The following HNRNPU variants were observed in gnomAD, a reference collection of about 807,000 sequenced individuals.
HNRNPU encodes the protein HNRNPU antisense RNA 1.
In HNRNPU, 5 loss-of-function variants were observed where a neutral mutation model predicts 94.7. The ratio of observed to expected loss-of-function variants is 0.05; its 90% CI spans 0.03 to 0.11. The LOEUF (loss-of-function observed/expected upper bound fraction) is 0.11. Ranked by LOEUF, HNRNPU falls within the 10% of genes least tolerant of loss-of-function variation. The pLI is 1.00. For synonymous variants in HNRNPU, 434 were observed against 381.6 expected (o/e 1.14, Z -1.60); for missense variants, 710 against 1,049.2 (o/e 0.68, Z 4.47).
At position 244,863,867 on chromosome 1, in the gene HNRNPU, G is replaced by A. The variant is rs539279281; in HGVS notation, c.441C>T (p.Asp147=). 6.2e-7 allele frequency: 1 copy of A among 1,612,930 alleles called. No homozygotes were observed. The highest frequency in any genetic ancestry group is 1.7e-5 in the Admixed American group (1 of 59,864). Residue 147 remains aspartate, a synonymous_variant, in exon 1 of 14, where the codon GAC becomes GAT. Transcript: ENST00000640218. ...GFQEGEDELG[D]EEEGAGDENG... Reference sequence around the variant, plus strand: ...TCTCGTCGCCCGCGCCTTCCTCTTCGTCCCCGAGCTCATCTTCCCCTTCCT... The same window carrying A: ...TCTCGTCGCCCGCGCCTTCCTCTTCATCCCCGAGCTCATCTTCCCCTTCCT...
chr1:244,859,145 T>A (rs1254420942), intron 5 of HNRNPU, 130 bp downstream of exon 5: 1 of 605,304 alleles, frequency 1.7e-6, no homozygotes, highest in Non-Finnish European at 2.9e-6. Context: ...GTGCTAATAT[T>A]ACCTGTCTGA....
At position 244,858,123 on chromosome 1, in the gene HNRNPU, T is replaced by C; in HGVS notation, c.1382A>G (p.Gln461Arg). The C allele has an allele frequency of 6.2e-7, 1 of 1,614,206 alleles. No individual in the cohort carries two copies. The highest frequency in any genetic ancestry group is 1.1e-5 in the South Asian group (1 of 91,080). Reference sequence around the variant, plus strand: ...TATTGGAAAATATGGCTTTTCCTTCTGACCAAAATTAAATTCAACTGCACA... The same window carrying C: ...TATTGGAAAATATGGCTTTTCCTTCCGACCAAAATTAAATTCAACTGCACA... ...HNCAVEFNFGQKEKPYFPIPE... is the reference protein window; with the variant it reads ...HNCAVEFNFGRKEKPYFPIPE... The change falls in exon 7 of 14, where the codon CAG becomes CGG. Residue 461 changes from glutamine to arginine, a missense_variant. By Grantham distance (43) the Gln-to-Arg change is conservative (BLOSUM62 1). Around this residue, in one of 8 missense-constraint regions of HNRNPU, gnomAD observed 150 missense variants for 187.9 expected, o/e 0.80. Coordinates refer to ENST00000640218, the MANE Select transcript of HNRNPU (RefSeq NM_031844.3).
chr1:244,863,218 C>T (rs544204866), intron 1 of HNRNPU: 95 of 176,254 alleles, frequency 5.4e-4, no homozygotes, highest in African/African-American at 2.1e-3. Flanking sequence ...GCCCCGGGAC[C>T]TGGGGCCTCT....
chr1:244,856,203 A>G, intron 10 of HNRNPU, 45 bp from the exon 11 acceptor site: 6 of 1,541,764 alleles, frequency 3.9e-6, no homozygotes, highest in Non-Finnish European at 5.3e-6. Context: ...ACCCACCACG[A>G]ATCCTCACAA....
chr1:244,859,165 A>G (rs1279588814), intron 5 of HNRNPU, 110 bp downstream of exon 5: 3 of 642,528 alleles, frequency 4.7e-6, no homozygotes, highest in East Asian at 5.3e-5. Flanking sequence ...AAGTATTAAC[A>G]GAATAGATAA....
chr1:244,863,308 GCCGC>G (rs889285531), intron 1 of HNRNPU, among the ~76,000 whole-genome samples: 5 of 142,630 alleles, frequency 3.5e-5, no homozygotes, highest in South Asian at 2.2e-4. Flanking sequence ...GCTCCCTCCC[GCCGC>G]CCGCCCGCGG....
At chr1:244,855,270 A>G in intron 12 of HNRNPU, 154 bp downstream of exon 12, 6 of 810,206 alleles carry the variant, frequency 7.4e-6, no homozygotes, top group Admixed American at 2.3e-5. Flanking sequence ...CTCAAAAGTA[A>G]GTAGACTCAT....
chr1:244,864,042 TCTTCC>T lies in HNRNPU; in HGVS notation c.261_265del (p.Glu88GlyfsTer55), dbSNP rs1680932739. 6.2e-7 allele frequency: 1 copy of T among 1,609,786 alleles called. No individual in the cohort carries two copies. The stretch of plus-strand genomic sequence containing the variant: ...GGAGATTCCTTCCTCCTCCTCTTCC[TCTTCC>T]TCCTCCTCTTCATCGCCGCCGGCCG... On this transcript the variant is annotated frameshift_variant, in exon 1 of 14. Coordinates refer to ENST00000640218, the MANE Select transcript of HNRNPU (RefSeq NM_031844.3). LOFTEE classifies it high-confidence loss of function.
At chr1:244,858,993 A>G (rs1273184350) in intron 5 of HNRNPU, 152 bp from the exon 6 acceptor site, 4 of 598,460 alleles carry the variant, frequency 6.7e-6, no homozygotes, top group African/African-American at 1.9e-5. Flanking sequence ...CTGTACCAGA[A>G]TTGATGGAAG....
At chr1:244,862,402 A>AAAAC in intron 3 of HNRNPU, 59 bp downstream of exon 3, 1 of 1,198,696 alleles carries the variant, frequency 8.3e-7, no homozygotes, top group Non-Finnish European at 1.2e-6. Context: ...TTCTAAAAAA[A>AAAAC]AAAAAAAAAA....
chr1:244,860,700 G>A (rs1415494119), intron 3 of HNRNPU: 8 of 558,922 alleles, frequency 1.4e-5, no homozygotes, highest in African/African-American at 1.9e-5. Flanking sequence ...CTAATACCAA[G>A]GTTTAACATG....
chr1:244,864,061 C>G lies in HNRNPU; in HGVS notation c.247G>C (p.Asp83His). The G allele has an allele frequency of 1.2e-6, 2 of 1,603,008 alleles. No individual in the cohort carries two copies. The highest frequency in any genetic ancestry group is 1.7e-6 in the Non-Finnish European group (2 of 1,175,232). Reference protein sequence around the residue: ...GLEQEAAAGGDEEEEEEEEEE... With the variant: ...GLEQEAAAGGHEEEEEEEEEE... Reference sequence around the variant, plus strand: ...TCTTCCTCTTCCTCCTCCTCTTCATCGCCGCCGGCCGCGGCCTCCTGCTCG... The same window carrying G: ...TCTTCCTCTTCCTCCTCCTCTTCATGGCCGCCGGCCGCGGCCTCCTGCTCG... Residue 83 changes from aspartate to histidine, a missense_variant, in exon 1 of 14, where the codon GAT becomes CAT. Transcript: ENST00000640218.
Position 244,856,876 on chromosome 1 carries a change from T to C in HNRNPU, c.1615-20A>G. 1.9e-6 allele frequency: 3 copies of C among 1,577,880 alleles called. No homozygotes were observed. Among genetic ancestry groups the C allele is most frequent in the Non-Finnish European group, 2.6e-6 (3 of 1,164,822 alleles). On this transcript the variant is annotated intron_variant, in intron 8 of 13. Transcript: ENST00000640218. Reference sequence around the variant, plus strand: ...TGCCACCTATATTCAAAAGTTAAAATTTCCCCTTGAACTTGTGAATTTTAA... The same window carrying C: ...TGCCACCTATATTCAAAAGTTAAAACTTCCCCTTGAACTTGTGAATTTTAA...
rs766659832 is a variant in HNRNPU, at chr1:244,854,451, CAAT to C, written c.2474_2476del (p.Tyr825del). The C allele has an allele frequency of 1.9e-6, 3 of 1,584,734 alleles. No homozygotes were observed. Among genetic ancestry groups the C allele is most frequent in the African/African-American group, 2.7e-5 (2 of 74,324 alleles). On this transcript the variant is annotated inframe_deletion, in exon 14 of 14. Coordinates refer to ENST00000640218, the MANE Select transcript of HNRNPU (RefSeq NM_031844.3). ...TATCAGTTCGTTTTATTTGGGTATT[CAAT>C]AATATCCTTGGTGATAATGCTGACT...
chr1:244,859,059 T>TA, intron 5 of HNRNPU: 2 of 580,170 alleles, frequency 3.4e-6, no homozygotes, highest in Non-Finnish European at 3.0e-6. Context: ...ATATCACGGG[T>TA]AAGATTTTAT....
At chr1:244,857,577 G>A in intron 8 of HNRNPU, 21 bp downstream of exon 8, 1 of 1,609,752 alleles carries the variant, frequency 6.2e-7, no homozygotes, top group Non-Finnish European at 8.5e-7. Flanking sequence ...ACTGAGATCA[G>A]GCCCTAAACA....
Position 244,862,675 on chromosome 1 carries a change from T to C in HNRNPU, c.747A>G (p.Pro249=), listed in dbSNP as rs1487827339. The change falls in exon 2 of 14, where the codon CCA becomes CCG. Residue 249 remains proline, a synonymous_variant. Transcript: ENST00000640218. ...GGDKKRGVKR[P]REDHGRGYFE... is the part of the protein sequence containing the mutation. The stretch of plus-strand genomic sequence containing the variant: ...AATATCCACGGCCATGATCTTCTCG[T>C]GGTCTTTTAACACCCCTCTTTTTAT... 4.3e-6 allele frequency: 7 copies of C among 1,614,082 alleles called. No homozygotes were observed. The highest frequency in any genetic ancestry group is 1.3e-5 in the African/African-American group (1 of 74,926).
At chr1:244,859,734 T>A (rs1210281111) in intron 4 of HNRNPU, 1 of 164,070 alleles carries the variant, frequency 6.1e-6, no homozygotes, top group African/African-American at 2.4e-5. Flanking sequence ...TTCAAATGCT[T>A]GATAAAAATG....
rs764803863 is a variant in HNRNPU, at chr1:244,859,141, A to G, written c.1117+134T>C. 5.0e-6 allele frequency: 3 copies of G among 602,936 alleles called. No individual in the cohort carries two copies. The South Asian group carries it at 6.4e-5, about 13-fold the overall frequency. 37.3% of individuals were successfully genotyped at this position (602,936 alleles called of 1,614,324 possible). ...TGTAGCCTGTGCCTACTATGTGCTA[A>G]TATTACCTGTCTGAAGTATTAACAG... On this transcript the variant is annotated intron_variant, in intron 5 of 13. Coordinates refer to ENST00000640218, the MANE Select transcript of HNRNPU (RefSeq NM_031844.3).
Sources: allele counts gnomAD v4.1 joint callset (sites outside exome capture counted in the v4.1 genomes callset), GRCh38; gene constraint gnomAD v4.1.1; regional missense constraint gnomAD v4.1.1; transcripts MANE v1.5; gene names NCBI Gene and HGNC (gene_info 2026-07-23, HGNC 2026-07-21).